Variants in GUCY1A2 observed in about 807,000 individuals in gnomAD.
GUCY1A2 encodes the protein guanylate cyclase soluble subunit alpha-2.
GUCY1A2 carries 27 observed loss-of-function variants against 63.5 expected under a neutral mutation model. The ratio of observed to expected loss-of-function variants is 0.43; its 90% CI spans 0.31 to 0.59. The LOEUF is 0.59. GUCY1A2 is among the 20% of genes least tolerant of loss of function. The pLI, the probability that GUCY1A2 is intolerant of heterozygous loss-of-function variation, is 0.11. For synonymous variants in GUCY1A2, 364 were observed against 343.5 expected, an observed-to-expected ratio of 1.06 and a Z score of -0.66; for missense variants, 768 against 913.3, an observed-to-expected ratio of 0.84 and a Z score of 2.05.
At chr11:106,766,900 A>C (rs2135395719) in intron 6 of GUCY1A2, among the ~76,000 whole-genome samples, 1 of 152,200 alleles carries the variant, frequency 6.6e-6, no homozygotes, top group South Asian at 2.1e-4. Context: ...TGGGTTGATG[A>C]AATCACATTT....
intron 5 of GUCY1A2, among the ~76,000 whole-genome samples, chr11:106,796,034 G>C (rs1864752780): frequency 6.6e-6 from 1 of 152,102 alleles, no homozygotes; most frequent in African/African-American, 2.4e-5. Flanking sequence ...AGCTCTTCTT[G>C]TTGAATTGAT....
chr11:106,986,044 A>G (rs775537806), intron 2 of GUCY1A2, 26 bp downstream of exon 2: 12 of 1,161,574 alleles, frequency 1.0e-5, no homozygotes, highest in Non-Finnish European at 1.6e-5. Flanking sequence ...TGTCCCCAAT[A>G]ATAACCGAAA....
intron 4 of GUCY1A2, among the ~76,000 whole-genome samples, chr11:106,864,286 G>A (rs567773523): frequency 5.3e-5 from 8 of 151,800 alleles, no homozygotes; most frequent in South Asian, 2.1e-4. Context: ...TTAAAAACTC[G>A]TATGGCAATT....
chr11:106,703,370 C>T (rs1293213878), intron 7 of GUCY1A2, among the ~76,000 whole-genome samples: 1 of 152,084 alleles, frequency 6.6e-6, no homozygotes, highest in Non-Finnish European at 1.5e-5. Flanking sequence ...GATTGCTAAT[C>T]AGATGACATT....
chr11:106,879,950 T>C (rs975178442), intron 4 of GUCY1A2, among the ~76,000 whole-genome samples: 2 of 152,126 alleles, frequency 1.3e-5, no homozygotes, highest in African/African-American at 2.4e-5. Flanking sequence ...TTATATTGTA[T>C]GGCAGATGCA....
At chr11:106,800,337 T>G (rs1256090814) in intron 5 of GUCY1A2, among the ~76,000 whole-genome samples, 1 of 152,170 alleles carries the variant, frequency 6.6e-6, no homozygotes, top group African/African-American at 2.4e-5. Context: ...TGGCGATTCC[T>G]CAAGGATCTA....
intron 3 of GUCY1A2, among the ~76,000 whole-genome samples, chr11:106,973,654 GAGA>G: frequency 6.6e-6 from 1 of 152,224 alleles, no homozygotes. Context: ...ACAAAGTAAT[GAGA>G]AGAACATGAG....
intron 4 of GUCY1A2, chr11:106,936,633 AAG>A: frequency 2.1e-6 from 3 of 1,459,058 alleles, no homozygotes; most frequent in Non-Finnish European, 2.8e-6. Context: ...AGCCATCTGG[AAG>A]AGTTTTTTTC....
Position 106,687,569 on chromosome 11 carries a change from G to A in GUCY1A2, c.2179C>T (p.Leu727Phe). Residue 727 changes from leucine to phenylalanine, a missense_variant, in exon 8 of 8, where the codon CTC (leucine) becomes TTC (phenylalanine). Leu to Phe is a conservative substitution (Grantham distance 22). This residue lies in a region of GUCY1A2 where 150 missense variants were observed against 188.3 expected (regional missense o/e 0.80). Coordinates refer to ENST00000526355, the MANE Select transcript of GUCY1A2 (RefSeq NM_000855.3). ...AGGTCTCAGAGGCTTGTCTCCCGGA[G>A]GAACATGGTGCCGATGTTGTAGGAA... is the stretch of plus-strand genomic sequence containing the variant. ...KVSYNIGTMFLRETSL is the reference protein window; with the variant it reads ...KVSYNIGTMFFRETSL The A allele has an allele frequency of 6.2e-7, 1 of 1,613,656 alleles. No homozygotes were observed. The highest frequency in any genetic ancestry group is 8.5e-7 in the Non-Finnish European group (1 of 1,179,636).
chr11:106,904,332 TACAATGACAATGGAATTGTGTAATTC>T (rs1860175067), intron 4 of GUCY1A2, among the ~76,000 whole-genome samples: 1 of 152,132 alleles, frequency 6.6e-6, no homozygotes, highest in Non-Finnish European at 1.5e-5. Context: ...TTTCCTTACA[TACAATGACAATGGAATTGTGTAATTC>T]CTATAATGTT....
intron 1 of GUCY1A2, among the ~76,000 whole-genome samples, chr11:107,006,984 T>C (rs1319214684): frequency 1.3e-5 from 2 of 152,216 alleles, no homozygotes; most frequent in African/African-American, 4.8e-5. Context: ...AAATATCCAC[T>C]GCACTCTCCA....
At chr11:106,701,403 C>T (rs542973090) in intron 7 of GUCY1A2, among the ~76,000 whole-genome samples, 1 of 152,006 alleles carries the variant, frequency 6.6e-6, no homozygotes, top group African/African-American at 2.4e-5. Flanking sequence ...AAAACAACTC[C>T]AGAATAGCAA....
At chr11:106,925,368 C>G (rs1429933808) in intron 4 of GUCY1A2, among the ~76,000 whole-genome samples, 1 of 152,164 alleles carries the variant, frequency 6.6e-6, no homozygotes, top group Non-Finnish European at 1.5e-5. Context: ...ATTCTTCTGT[C>G]TCTTACTGCC....
chr11:106,767,809 A>T (rs1343672306), intron 6 of GUCY1A2, among the ~76,000 whole-genome samples: 2 of 152,158 alleles, frequency 1.3e-5, no homozygotes, highest in Non-Finnish European at 2.9e-5. Context: ...CTGTCTATAA[A>T]TAAATTTGTG....
At chr11:106,855,756 A>T (rs1859420965) in intron 4 of GUCY1A2, among the ~76,000 whole-genome samples, 1 of 152,156 alleles carries the variant, frequency 6.6e-6, no homozygotes, top group Admixed American at 6.6e-5. Flanking sequence ...ACTGGCCTAC[A>T]TGTCTATATT....
At chr11:106,877,813 A>C (rs879290539) in intron 4 of GUCY1A2, among the ~76,000 whole-genome samples, 3 of 152,182 alleles carry the variant, frequency 2.0e-5, no homozygotes, top group Non-Finnish European at 4.4e-5. Flanking sequence ...TCACATCAAA[A>C]GAAACTATCA....
At chr11:106,879,911 T>A (rs117171403) in intron 4 of GUCY1A2, among the ~76,000 whole-genome samples, 3 of 152,092 alleles carry the variant, frequency 2.0e-5, no homozygotes, top group Non-Finnish European at 4.4e-5. Flanking sequence ...TATGCTGTCA[T>A]CAGTTAATCT....
At chr11:106,744,221 C>T (rs1863746824) in intron 6 of GUCY1A2, among the ~76,000 whole-genome samples, 2 of 149,676 alleles carry the variant, frequency 1.3e-5, no homozygotes, top group South Asian at 2.2e-4. Flanking sequence ...CTTTCTGTGT[C>T]TCATCAATCA....
At position 106,799,542 on chromosome 11, in the gene GUCY1A2, G is replaced by T. The variant is rs145528528; in HGVS notation, c.1692+10451C>A. Among the ~76,000 whole-genome samples the T allele has an allele frequency of 7.6e-3, 1,160 of 152,210 alleles. 79 individuals are homozygous for T. In the East Asian group the frequency reaches 0.15, roughly 19 times the overall value. The stretch of plus-strand genomic sequence containing the variant: ...AGCATGGTACTGGTACCAAAACAGA[G>T]ATGTAGACCAATGGTACAGAACAGA... On this transcript the variant is annotated intron_variant, in intron 5 of 7. Transcript: ENST00000526355.
Sources: allele counts gnomAD v4.1 joint callset (sites outside exome capture counted in the v4.1 genomes callset), GRCh38; gene constraint gnomAD v4.1.1; regional missense constraint gnomAD v4.1.1; transcripts MANE v1.5; gene names NCBI Gene and HGNC (gene_info 2026-07-23, HGNC 2026-07-21).